The following DLEU7 variants were observed in gnomAD, a reference collection of about 807,000 sequenced individuals.
DLEU7 encodes leukemia-associated protein 7.
A neutral mutation model predicts 16.0 loss-of-function variants in DLEU7; 17 were observed. The ratio of observed to expected loss-of-function variants is 1.06; its 90% CI spans 0.73 to 1.59. DLEU7 has a LOEUF of 1.59. DLEU7 is among the 40% of genes most tolerant of loss of function. DLEU7 has a pLI of 0.00. For missense variants in DLEU7, 308 were observed against 314.9 expected, an observed-to-expected ratio of 0.98 and a Z score of 0.17; for synonymous variants, 113 against 139.8, an observed-to-expected ratio of 0.81 and a Z score of 1.35.
intron 1 of DLEU7, among the ~76,000 whole-genome samples, chr13:50,824,264 G>T (rs184806656): frequency 6.6e-6 from 1 of 152,096 alleles, no homozygotes; most frequent in Non-Finnish European, 1.5e-5. Flanking sequence ...ATCCCTAAAT[G>T]GTTTATTTTC....
intron 1 of DLEU7, among the ~76,000 whole-genome samples, chr13:50,769,568 T>C (rs1875231244): frequency 6.6e-6 from 1 of 152,224 alleles, no homozygotes; most frequent in African/African-American, 2.4e-5. Context: ...TTCTTATTTT[T>C]GTCAGGTTTG....
At chr13:50,814,814 TGTACTGTACCAATCCAGTTAACA>T (rs1407008989) in intron 1 of DLEU7, among the ~76,000 whole-genome samples, 1 of 149,932 alleles carries the variant, frequency 6.7e-6, no homozygotes, top group African/African-American at 2.5e-5. Flanking sequence ...ATCCTGTGTA[TGTACTGTACCAATCCAGTTAACA>T]GTACTGTACC....
intron 1 of DLEU7, among the ~76,000 whole-genome samples, chr13:50,734,135 C>T (rs1023258999): frequency 1.3e-5 from 2 of 152,198 alleles, no homozygotes; most frequent in African/African-American, 2.4e-5. Context: ...CACTAGGCTC[C>T]GCAAATTAGG....
intron 1 of DLEU7, among the ~76,000 whole-genome samples, chr13:50,742,124 G>C (rs1874267047): frequency 1.3e-5 from 2 of 152,064 alleles, no homozygotes; most frequent in Admixed American, 6.5e-5. Context: ...GCTTGTCCCA[G>C]AATGGGACAA....
intron 1 of DLEU7, among the ~76,000 whole-genome samples, chr13:50,790,757 A>T (rs1183720555): frequency 6.6e-6 from 1 of 152,144 alleles, no homozygotes; most frequent in East Asian, 1.9e-4. Flanking sequence ...CAGGTGAGAC[A>T]ATAGAAGCCA....
intron 1 of DLEU7, among the ~76,000 whole-genome samples, chr13:50,749,876 A>G (rs1045932026): frequency 5.3e-4 from 81 of 151,758 alleles, no homozygotes; most frequent in African/African-American, 1.8e-3. Flanking sequence ...ATTTTCTCCA[A>G]CTCTGTGGGT....
At chr13:50,739,356 A>T (rs771407329) in intron 1 of DLEU7, among the ~76,000 whole-genome samples, 13 of 152,316 alleles carry the variant, frequency 8.5e-5, no homozygotes, top group Non-Finnish European at 1.6e-4. Flanking sequence ...ACAGTAACCC[A>T]GTAGGCATTC....
chr13:50,786,972 G>A (rs749192198), intron 1 of DLEU7, among the ~76,000 whole-genome samples: 27 of 152,068 alleles, frequency 1.8e-4, no homozygotes, highest in Non-Finnish European at 4.4e-5. Flanking sequence ...CTTAAGCCTT[G>A]GAACTTTAAT....
chr13:50,840,200 C>A (rs1439083991), intron 1 of DLEU7: 2 of 152,222 alleles, frequency 1.3e-5, no homozygotes, highest in African/African-American at 4.8e-5. Flanking sequence ...GCAAGGATTT[C>A]TGAAACCATT....
At chr13:50,752,573 A>G (rs1037873372) in intron 1 of DLEU7, among the ~76,000 whole-genome samples, 1 of 151,948 alleles carries the variant, frequency 6.6e-6, no homozygotes, top group Non-Finnish European at 1.5e-5. Context: ...GGATGTGTTC[A>G]GAGTTTCTTC....
intron 1 of DLEU7, among the ~76,000 whole-genome samples, chr13:50,737,502 A>G (rs974064606): frequency 3.3e-5 from 5 of 152,168 alleles, no homozygotes; most frequent in Non-Finnish European, 7.4e-5. Flanking sequence ...CTGTGATCAC[A>G]TTTTGGTAAT....
At chr13:50,713,362 T>C (rs1328135910) in intron 1 of DLEU7, 1 of 1,214,118 alleles carries the variant, frequency 8.2e-7, no homozygotes. Context: ...ACTGGAGATA[T>C]GGGCTAACAC....
chr13:50,840,558 A>G (rs1255574259), intron 1 of DLEU7, among the ~76,000 whole-genome samples: 3 of 152,220 alleles, frequency 2.0e-5, no homozygotes, highest in African/African-American at 7.2e-5. Context: ...CAGTAGTTGT[A>G]TACTTCTAGA....
intron 1 of DLEU7, among the ~76,000 whole-genome samples, chr13:50,761,549 A>G (rs1874931217): frequency 6.6e-6 from 1 of 152,118 alleles, no homozygotes; most frequent in African/African-American, 2.4e-5. Context: ...TCAGGCAAAT[A>G]CAGTGTGGAT....
chr13:50,792,277 A>G (rs1357442397), intron 1 of DLEU7, among the ~76,000 whole-genome samples: 2 of 152,222 alleles, frequency 1.3e-5, no homozygotes, highest in African/African-American at 4.8e-5. Context: ...GAATTATCAA[A>G]TAATTCAAGA....
intron 1 of DLEU7, among the ~76,000 whole-genome samples, chr13:50,806,015 T>A (rs1876380721): frequency 6.6e-6 from 1 of 152,162 alleles, no homozygotes; most frequent in South Asian, 2.1e-4. Context: ...TGTAAAAACC[T>A]CCATTTACAT....
intron 1 of DLEU7, among the ~76,000 whole-genome samples, chr13:50,814,069 G>T (rs992796259): frequency 3.9e-5 from 6 of 152,038 alleles, no homozygotes; most frequent in African/African-American, 1.2e-4. Flanking sequence ...TTTGATAATA[G>T]TCATTTTTTA....
At chr13:50,718,053 C>T (rs562078146) in intron 1 of DLEU7, among the ~76,000 whole-genome samples, 53 of 152,220 alleles carry the variant, frequency 3.5e-4, no homozygotes, top group Non-Finnish European at 6.0e-4. Flanking sequence ...TCAGGCCCTC[C>T]CCCAAGACCT....
chr13:50,727,323 AT>A (rs3831051), intron 1 of DLEU7, among the ~76,000 whole-genome samples: 126,673 of 151,764 alleles, frequency 0.83, 53,839 homozygotes, highest in African/African-American at 0.96. Context: ...AGGTCTAGGT[AT>A]TTTTTTTTCT....
Sources: allele counts gnomAD v4.1 joint callset (sites outside exome capture counted in the v4.1 genomes callset), GRCh38; gene constraint gnomAD v4.1.1; transcripts MANE v1.5; gene names NCBI Gene and HGNC (gene_info 2026-07-23, HGNC 2026-07-21).